Variants in STOX2 observed in about 807,000 individuals in gnomAD.
The protein encoded by STOX2 is storkhead box 2, also known as storkhead-box protein 2.
Under a neutral mutation model 60.9 loss-of-function variants are expected in STOX2, and 28 were observed. The ratio of observed to expected loss-of-function variants is 0.46; its 90% CI spans 0.34 to 0.63. STOX2 has a LOEUF of 0.63. Ranked by LOEUF, STOX2 falls within the 30% of genes least tolerant of loss-of-function variation. STOX2 has a pLI of 0.01. For synonymous variants in STOX2, 472 were observed against 463.9 expected, an observed-to-expected ratio of 1.02 and a Z score of -0.22; for missense variants, 1,024 against 1,187.7, an observed-to-expected ratio of 0.86 and a Z score of 2.03.
At position 184,011,500 on chromosome 4, in the gene STOX2, C is replaced by G; in HGVS notation, c.2585+77C>G. 6.3e-7 allele frequency: 1 copy of G among 1,584,434 alleles called. No individual in the cohort carries two copies. The highest frequency in any genetic ancestry group is 8.6e-7 in the Non-Finnish European group (1 of 1,163,350). ...TTTATGCACGTAACTTGACAAGTTTCTGATTTCGTAGTCTCAGTTCTATGG... is the reference window on the plus strand; with the variant it reads ...TTTATGCACGTAACTTGACAAGTTTGTGATTTCGTAGTCTCAGTTCTATGG... On this transcript the variant is annotated intron_variant, in intron 3 of 3. Coordinates refer to ENST00000308497, the MANE Select transcript of STOX2 (RefSeq NM_020225.3). This position sits in a 1 kb window ranked among gnomAD's most constrained non-coding sequence, Gnocchi z 4.4.
At chr4:183,822,133 C>A (rs1739317564) in intron 1 of STOX2, among the ~76,000 whole-genome samples, 1 of 152,196 alleles carries the variant, frequency 6.6e-6, no homozygotes, top group South Asian at 2.1e-4. Context: ...GCATCAAACC[C>A]CCATAAGCCA....
At chr4:183,846,875 T>G (rs1270939524) in intron 1 of STOX2, among the ~76,000 whole-genome samples, 1 of 152,168 alleles carries the variant, frequency 6.6e-6, no homozygotes, top group Non-Finnish European at 1.5e-5. Context: ...ATGTGATAAC[T>G]CGGGTAGTCA....
chr4:183,943,926 G>C (rs1469904932), intron 1 of STOX2, among the ~76,000 whole-genome samples: 1 of 152,126 alleles, frequency 6.6e-6, no homozygotes, highest in Non-Finnish European at 1.5e-5. Context: ...TCTCCCCAGG[G>C]GATGCCACTC....
chr4:183,810,816 C>G (rs762840471), intron 1 of STOX2, among the ~76,000 whole-genome samples: 2 of 152,114 alleles, frequency 1.3e-5, no homozygotes, highest in Non-Finnish European at 2.9e-5. Flanking sequence ...TCCCAGCCTC[C>G]AGAACCATAA....
intron 1 of STOX2, among the ~76,000 whole-genome samples, chr4:183,826,037 A>AACAGACTCATCGGGAAACAGGTTAAAAC (rs1560833329): frequency 1.3e-5 from 2 of 152,102 alleles, no homozygotes; most frequent in Non-Finnish European, 2.9e-5. Context: ...TTTAGTGCAC[A>AACAGACTCATCGGGAAACAGGTTAAAAC]ACAGACTCAT....
intron 1 of STOX2, among the ~76,000 whole-genome samples, chr4:183,950,007 A>C (rs1743021136): frequency 6.6e-6 from 1 of 152,190 alleles, no homozygotes; most frequent in South Asian, 2.1e-4. Context: ...AAAAGTCATA[A>C]AGTTTTCATT....
At chr4:183,832,052 T>A (rs1444688114) in intron 1 of STOX2, among the ~76,000 whole-genome samples, 1 of 150,472 alleles carries the variant, frequency 6.6e-6, no homozygotes, top group African/African-American at 2.4e-5. Flanking sequence ...TGCAATGGAG[T>A]GATCTTGGCT....
intron 1 of STOX2, 144 bp downstream of exon 1, chr4:183,907,100 C>A (rs1741641426): frequency 1.5e-6 from 1 of 686,742 alleles, no homozygotes; most frequent in African/African-American, 1.8e-5. Context: ...AGCTCCCATC[C>A]ACCATTTTGT....
chr4:183,985,199 A>G (rs987230475), intron 1 of STOX2, among the ~76,000 whole-genome samples: 5 of 152,174 alleles, frequency 3.3e-5, no homozygotes, highest in Non-Finnish European at 5.9e-5. Context: ...ATTGTGTTCA[A>G]TCTAAATTTA....
intron 1 of STOX2, among the ~76,000 whole-genome samples, chr4:183,934,301 T>C (rs1470780586): frequency 4.0e-5 from 6 of 151,840 alleles, no homozygotes; most frequent in Admixed American, 3.9e-4. Flanking sequence ...AGACTCCCTC[T>C]CAAAAAAATA....
chr4:183,822,013 C>A (rs555104859), intron 1 of STOX2, among the ~76,000 whole-genome samples: 1 of 152,312 alleles, frequency 6.6e-6, no homozygotes, highest in East Asian at 1.9e-4. Flanking sequence ...GCTGGGGGTG[C>A]CTAGGTCTCT....
At chr4:184,015,350 C>T (rs1734323419) in intron 3 of STOX2, 2 of 152,218 alleles carry the variant, frequency 1.3e-5, no homozygotes, top group Admixed American at 1.3e-4. Flanking sequence ...GTCATGTAGG[C>T]AAGTCTCACA....
intron 1 of STOX2, among the ~76,000 whole-genome samples, chr4:183,966,506 T>G (rs1363943520): frequency 6.6e-6 from 1 of 152,188 alleles, no homozygotes; most frequent in Non-Finnish European, 1.5e-5. Flanking sequence ...GAATTTCCAT[T>G]TCATCACAGT....
At chr4:183,850,386 T>C (rs1740087913) in intron 1 of STOX2, among the ~76,000 whole-genome samples, 1 of 152,196 alleles carries the variant, frequency 6.6e-6, no homozygotes, top group Non-Finnish European at 1.5e-5. Context: ...TTATTATTCT[T>C]TATGATTTTC....
intron 1 of STOX2, among the ~76,000 whole-genome samples, chr4:183,961,529 A>G (rs1327262115): frequency 2.0e-5 from 3 of 152,208 alleles, no homozygotes; most frequent in Non-Finnish European, 4.4e-5. Context: ...CCAGCTTTGC[A>G]GCGCTTCACC....
chr4:183,881,128 C>T (rs73870940), intron 1 of STOX2, among the ~76,000 whole-genome samples: 207 of 152,232 alleles, frequency 1.4e-3, no homozygotes, highest in African/African-American at 4.4e-3. Context: ...TGAAGTTACT[C>T]GCAAGCTCAG....
At position 183,857,512 on chromosome 4, in the gene STOX2, G is replaced by A. The variant is rs534896143; in HGVS notation, c.364+59457G>A. Among the ~76,000 whole-genome samples the A allele has an allele frequency of 3.3e-5, 4 of 120,870 alleles. No individual in the cohort carries two copies. In the South Asian group the frequency reaches 1.1e-3, roughly 34 times the overall value. 79.3% of individuals were successfully genotyped at this position (120,870 alleles called of 152,430 possible). ...GCCTTCCACATACTGACATGTGCAGGTCATCTCCGAATTTGAGGTTCTGCC... is the reference window on the plus strand; with the variant it reads ...GCCTTCCACATACTGACATGTGCAGATCATCTCCGAATTTGAGGTTCTGCC... On this transcript the variant is annotated intron_variant, in intron 1 of 2. Transcript: ENST00000513034.
intron 1 of STOX2, among the ~76,000 whole-genome samples, chr4:183,890,412 G>A (rs1402893022): frequency 6.6e-6 from 1 of 151,724 alleles, no homozygotes; most frequent in Non-Finnish European, 1.5e-5. Flanking sequence ...GAACCCGGGA[G>A]GTGGAGGCTG....
Position 183,905,804 on chromosome 4 carries a change from C to G in STOX2, c.-987C>G, listed in dbSNP as rs907718361. On this transcript the variant is annotated 5_prime_UTR_variant, in exon 1 of 4. Transcript: ENST00000308497. The stretch of plus-strand genomic sequence containing the variant: ...TGCTTCCTGCCCTTCAATAGCCGTT[C>G]CGCGCGCTCGCGCCGGAGCAGCGCT... 5.9e-5 allele frequency: 9 copies of G among 152,248 alleles called. No individual in the cohort carries two copies. The highest frequency in any genetic ancestry group is 1.0e-4 in the Non-Finnish European group (7 of 68,060). The allele number at this position is 152,248 out of a possible 1,614,324, so 9.4% of individuals were successfully genotyped here. A position where few individuals can be genotyped will look rare whatever the true frequency, so the allele number is the denominator to read the frequency against.
Sources: gnomAD v4.1 joint callset for allele counts (sites outside exome capture counted in the v4.1 genomes callset) on GRCh38, gnomAD v4.1.1 for gene constraint, Gnocchi (gnomAD v3.1) non-coding constraint, MANE v1.5 for transcripts, NCBI Gene and HGNC (gene_info 2026-07-23, HGNC 2026-07-21) for gene names.